Variants in ADGRV1 observed in about 807,000 individuals in gnomAD.
ADGRV1 encodes the protein adhesion G protein-coupled receptor V1, also known as G-protein coupled receptor 98.
ADGRV1 carries 359 observed loss-of-function variants against 596.2 expected under a neutral mutation model. The observed-to-expected ratio is 0.60, with a 90% CI of 0.55 to 0.66. ADGRV1 has a LOEUF of 0.66. Ranked by LOEUF, ADGRV1 falls within the 30% of genes least tolerant of loss-of-function variation. The pLI is 0.00. For synonymous variants in ADGRV1, 2,681 were observed against 2,679.2 expected (o/e 1.00, Z -0.02); for missense variants, 7,274 against 7,575.6 (o/e 0.96, Z 1.48).
At chr5:90,580,080 A>G (rs532749414) in intron 1 of ADGRV1, among the ~76,000 whole-genome samples, 52 of 152,228 alleles carry the variant, frequency 3.4e-4, no homozygotes, top group Non-Finnish European at 5.4e-4. Flanking sequence ...GCTAGTCTGT[A>G]TCTTTTAATT....
At chr5:90,708,317 C>G (rs1323952922) in intron 38 of ADGRV1, among the ~76,000 whole-genome samples, 1 of 151,942 alleles carries the variant, frequency 6.6e-6, no homozygotes, top group Non-Finnish European at 1.5e-5. Context: ...ATTACAATCT[C>G]CCACCCAAAA....
intron 50 of ADGRV1, 60 bp from the exon 51 acceptor site, chr5:90,744,986 G>A (rs1035010569): frequency 8.4e-7 from 1 of 1,188,542 alleles, no homozygotes; most frequent in African/African-American, 1.5e-5. Flanking sequence ...ACCGATGCAG[G>A]GAGTGTGGGA....
At chr5:90,663,863 A>G (rs1455916287) in intron 21 of ADGRV1, among the ~76,000 whole-genome samples, 2 of 152,014 alleles carry the variant, frequency 1.3e-5, no homozygotes, top group Non-Finnish European at 2.9e-5. Flanking sequence ...CATTTATTAA[A>G]TAGGGAATCC....
chr5:90,704,585 T>G (rs906427571), intron 36 of ADGRV1, 97 bp downstream of exon 36: 3 of 689,334 alleles, frequency 4.4e-6, no homozygotes, highest in Non-Finnish European at 4.9e-6. Flanking sequence ...TGCATACCAA[T>G]TTTTAAAATG....
intron 9 of ADGRV1, among the ~76,000 whole-genome samples, chr5:90,634,381 A>C (rs1765877509): frequency 6.6e-6 from 1 of 152,234 alleles, no homozygotes; most frequent in Non-Finnish European, 1.5e-5. Context: ...CAGACCCACA[A>C]GAGCTCTGCA....
chr5:91,020,031 A>G (rs1783505444), intron 85 of ADGRV1, among the ~76,000 whole-genome samples: 1 of 152,024 alleles, frequency 6.6e-6, no homozygotes, highest in South Asian at 2.1e-4. Flanking sequence ...CATGTTTAAG[A>G]AAGTTTTAGA....
chr5:91,093,726 C>G (rs1790578132), intron 86 of ADGRV1, among the ~76,000 whole-genome samples: 2 of 151,944 alleles, frequency 1.3e-5, no homozygotes, highest in Non-Finnish European at 2.9e-5. Context: ...TGAGGTTTAT[C>G]TTTTATGATA....
At chr5:91,083,878 C>T (rs1258475874) in intron 86 of ADGRV1, among the ~76,000 whole-genome samples, 1 of 152,162 alleles carries the variant, frequency 6.6e-6, no homozygotes, top group Non-Finnish European at 1.5e-5. Flanking sequence ...GACTGTAGTG[C>T]ACTGTGAGTG....
rs542712961 is a variant in ADGRV1, at chr5:91,002,622, CAAAA to C, written c.18152+17101_18152+17104del. Among the ~76,000 whole-genome samples, 1,191 of 152,052 alleles carry C rather than the reference CAAAA, an allele frequency of 7.8e-3. 6 individuals are homozygous for C. Among genetic ancestry groups the C allele is most frequent in the Admixed American group, 0.015 (227 of 15,262 alleles). On this transcript the variant is annotated intron_variant, in intron 85 of 89. Transcript: ENST00000405460. ...TTTTTCTGGCCCCTTTAATAATTTT[CAAAA>C]TTATTATCTTTTTTTTCTGAATTTG...
At chr5:90,654,293 T>G in intron 20 of ADGRV1, 2 of 306,126 alleles carry the variant, frequency 6.5e-6, no homozygotes, top group Non-Finnish European at 1.2e-5. Flanking sequence ...GGGAGTGATA[T>G]TCCTGCAGAG....
chr5:90,704,562 T>A, intron 36 of ADGRV1, 74 bp downstream of exon 36: 1 of 884,852 alleles, frequency 1.1e-6, no homozygotes, highest in East Asian at 2.7e-5. Context: ...TATCTCTGTA[T>A]TTAACAATTA....
intron 48 of ADGRV1, 144 bp from the exon 49 acceptor site, chr5:90,728,525 C>A: frequency 1.4e-6 from 1 of 709,732 alleles, no homozygotes; most frequent in Non-Finnish European, 2.4e-6. Flanking sequence ...AAGGGAGCAT[C>A]AGTTTTAGTA....
intron 80 of ADGRV1, 57 bp downstream of exon 80, chr5:90,853,590 G>A: frequency 2.0e-6 from 3 of 1,518,498 alleles, no homozygotes; most frequent in Non-Finnish European, 1.8e-6. Context: ...TCTTTAGCAG[G>A]CACACTTGGA....
chr5:90,609,224 G>A (rs1440136719), intron 1 of ADGRV1, among the ~76,000 whole-genome samples: 5 of 151,648 alleles, frequency 3.3e-5, no homozygotes, highest in Non-Finnish European at 7.4e-5. Context: ...GCTGGTGGAG[G>A]GTACTGTGAG....
At chr5:90,951,755 A>G (rs1321588344) in intron 83 of ADGRV1, among the ~76,000 whole-genome samples, 1 of 152,206 alleles carries the variant, frequency 6.6e-6, no homozygotes, top group African/African-American at 2.4e-5. Context: ...TATAGTAATT[A>G]TCAGATCTTA....
intron 85 of ADGRV1, among the ~76,000 whole-genome samples, chr5:91,047,386 A>G (rs566341362): frequency 6.4e-4 from 98 of 152,304 alleles, no homozygotes; most frequent in African/African-American, 2.3e-3. Flanking sequence ...AGGTCCCACA[A>G]TAGGCTGTAT....
intron 84 of ADGRV1, among the ~76,000 whole-genome samples, chr5:90,982,161 A>G (rs1246066519): frequency 1.3e-5 from 2 of 152,220 alleles, no homozygotes; most frequent in Non-Finnish European, 2.9e-5. Context: ...TATAGGTCAC[A>G]CTTAATTCAT....
At chr5:90,568,953 T>G (rs1365438595) in intron 1 of ADGRV1, among the ~76,000 whole-genome samples, 2 of 152,182 alleles carry the variant, frequency 1.3e-5, no homozygotes, top group Non-Finnish European at 2.9e-5. Context: ...TACCAGAGAT[T>G]GGGTAGTTTA....
intron 87 of ADGRV1, among the ~76,000 whole-genome samples, chr5:91,148,444 G>A (rs770602024): frequency 5.3e-5 from 8 of 152,230 alleles, no homozygotes; most frequent in Non-Finnish European, 1.0e-4. Flanking sequence ...ACCAGAGGGT[G>A]CAAGCCCCCA....
Sources: gnomAD v4.1 joint callset for allele counts (sites outside exome capture counted in the v4.1 genomes callset) on GRCh38, gnomAD v4.1.1 for gene constraint, MANE v1.5 for transcripts, NCBI Gene and HGNC (gene_info 2026-07-23, HGNC 2026-07-21) for gene names.